The following UBE2QL1 variants were observed in gnomAD, a reference collection of about 807,000 sequenced individuals.
UBE2QL1 encodes the protein ubiquitin-conjugating enzyme E2Q-like protein 1.
Under a neutral mutation model 12.6 loss-of-function variants are expected in UBE2QL1, and 5 were observed. The observed-to-expected ratio is 0.40, with a 90% CI of 0.21 to 0.83. The LOEUF (loss-of-function observed/expected upper bound fraction) is 0.83, where lower values mean the gene tolerates loss of function less well. Among genes scored for constraint, UBE2QL1 ranks in the 40% least tolerant of loss-of-function variants. The pLI, the probability that UBE2QL1 is intolerant of heterozygous loss-of-function variation, is 0.37. For synonymous variants in UBE2QL1, 96 were observed against 94.5 expected, an observed-to-expected ratio of 1.02 and a Z score of -0.10; for missense variants, 99 against 222.6, an observed-to-expected ratio of 0.44 and a Z score of 3.53.
Position 6,495,574 on chromosome 5 carries a change from C to G in UBE2QL1, c.*4225C>G, listed in dbSNP as rs1437387241. 6.6e-6 allele frequency among the ~76,000 whole-genome samples: 1 copy of G among 152,166 alleles called. No individual in the cohort carries two copies. Among genetic ancestry groups the G allele is most frequent in the East Asian group, 1.9e-4 (1 of 5,192 alleles). On this transcript the variant is annotated 3_prime_UTR_variant, in exon 2 of 2. Coordinates refer to ENST00000399816, the MANE Select transcript of UBE2QL1 (RefSeq NM_001145161.3). The stretch of plus-strand genomic sequence containing the variant: ...GGCAATTCATGTGGCCCTCACCAAA[C>G]ACACACTCTTCACCCCATCATTGAA...
intron 1 of UBE2QL1, among the ~76,000 whole-genome samples, chr5:6,482,931 G>A (rs1476137346): frequency 6.6e-6 from 1 of 152,214 alleles, no homozygotes; most frequent in Non-Finnish European, 1.5e-5. Flanking sequence ...AGAGATGCCA[G>A]ATGTTTTCAT....
At chr5:6,461,452 T>C (rs1369786862) in intron 1 of UBE2QL1, among the ~76,000 whole-genome samples, 2 of 150,924 alleles carry the variant, frequency 1.3e-5, no homozygotes, top group East Asian at 3.9e-4. Flanking sequence ...CCAGTGATTT[T>C]CCCATAGTTT....
intron 1 of UBE2QL1, among the ~76,000 whole-genome samples, chr5:6,473,381 C>T (rs1734135727): frequency 6.6e-6 from 1 of 152,202 alleles, no homozygotes; most frequent in Non-Finnish European, 1.5e-5. Flanking sequence ...AGCACACAGC[C>T]TCCAAATTCA....
chr5:6,475,663 G>T (rs112661989), intron 1 of UBE2QL1, among the ~76,000 whole-genome samples: 1,681 of 151,556 alleles, frequency 0.011, 13 homozygotes, highest in South Asian at 0.026. Context: ...CAAGGGAAGG[G>T]GTAGGAAGGC....
At chr5:6,474,811 C>T (rs532267406) in intron 1 of UBE2QL1, among the ~76,000 whole-genome samples, 9 of 152,158 alleles carry the variant, frequency 5.9e-5, no homozygotes, top group Admixed American at 3.3e-4. Context: ...CATCCTCACA[C>T]GTGGTGAGAA....
chr5:6,463,975 T>C lies in UBE2QL1; in HGVS notation c.354+14728T>C, dbSNP rs1335393390. On this transcript the variant is annotated intron_variant, in intron 1 of 1. Transcript: ENST00000399816. ...TTTTGTTTCAGATTATTCTAAGAGA[T>C]TTTTTTTTTAATTTGAGACAGAGTT... Among the ~76,000 whole-genome samples, 2 of 147,062 alleles carry C rather than the reference T, an allele frequency of 1.4e-5. 1 individual carries two copies. Among genetic ancestry groups the C allele is most frequent in the African/African-American group, 5.1e-5 (2 of 38,916 alleles).
intron 1 of UBE2QL1, among the ~76,000 whole-genome samples, chr5:6,473,365 A>G (rs1734135587): frequency 6.6e-6 from 1 of 152,164 alleles, no homozygotes; most frequent in African/African-American, 2.4e-5. Context: ...TCTGCTCTCT[A>G]TCTGGAGCAC....
intron 1 of UBE2QL1, among the ~76,000 whole-genome samples, chr5:6,477,934 A>G (rs1306698380): frequency 1.3e-5 from 2 of 152,208 alleles, no homozygotes; most frequent in East Asian, 3.9e-4. Context: ...CCCAGAAACC[A>G]CCCTCCTAGA....
At chr5:6,451,951 C>T (rs879834922) in intron 1 of UBE2QL1, among the ~76,000 whole-genome samples, 4 of 152,160 alleles carry the variant, frequency 2.6e-5, no homozygotes, top group Non-Finnish European at 5.9e-5. Flanking sequence ...AGCTACCAAA[C>T]CGATAATTAC....
At chr5:6,474,948 G>A (rs191228773) in intron 1 of UBE2QL1, among the ~76,000 whole-genome samples, 1 of 152,352 alleles carries the variant, frequency 6.6e-6, no homozygotes, top group East Asian at 1.9e-4. Flanking sequence ...GTCTTGAGGA[G>A]AGGCTGGAGC....
chr5:6,483,385 G>A (rs1734402119), intron 1 of UBE2QL1, among the ~76,000 whole-genome samples: 1 of 152,026 alleles, frequency 6.6e-6, no homozygotes, highest in African/African-American at 2.4e-5. Flanking sequence ...GTTGCAGTGA[G>A]CCAAGATCGT....
intron 1 of UBE2QL1, among the ~76,000 whole-genome samples, chr5:6,460,471 G>T (rs778523888): frequency 6.6e-6 from 1 of 152,140 alleles, no homozygotes; most frequent in Non-Finnish European, 1.5e-5. Flanking sequence ...GGGTGTTTCC[G>T]TCCATGACTG....
chr5:6,449,220 G>C lies in UBE2QL1; in HGVS notation c.327G>C (p.Gln109His). 6.8e-7 allele frequency: 1 copy of C among 1,464,770 alleles called. No homozygotes were observed. The highest frequency in any genetic ancestry group is 9.1e-7 in the Non-Finnish European group (1 of 1,103,454). 90.7% of individuals were successfully genotyped at this position (1,464,770 alleles called of 1,614,324 possible). ...SAYTVEAVMR[Q>H]FAASLVKGQG... ...ACACCGTGGAGGCCGTCATGCGCCA[G>C]TTCGCAGCCAGCCTGGTCAAGGGCC... Residue 109 changes from glutamine (Q) to histidine (H), a missense_variant, in exon 1 of 2, where the codon CAG (glutamine) becomes CAC (histidine). Gln to His is a conservative substitution (Grantham distance 24). Transcript: ENST00000399816.
chr5:6,456,890 T>C (rs1739538158), intron 1 of UBE2QL1, among the ~76,000 whole-genome samples: 1 of 152,006 alleles, frequency 6.6e-6, no homozygotes, highest in South Asian at 2.1e-4. Flanking sequence ...GGGCTGGGCA[T>C]GGTCAGGGAG....
chr5:6,466,164 A>G (rs1300148705), intron 1 of UBE2QL1, among the ~76,000 whole-genome samples: 1 of 152,112 alleles, frequency 6.6e-6, no homozygotes, highest in Non-Finnish European at 1.5e-5. Context: ...CAGCGTCTTC[A>G]CGGTGGAACT....
intron 1 of UBE2QL1, among the ~76,000 whole-genome samples, chr5:6,456,403 G>A (rs1739523680): frequency 6.6e-6 from 1 of 152,112 alleles, no homozygotes; most frequent in South Asian, 2.1e-4. Flanking sequence ...ATTAACATGG[G>A]GCATTAGTCA....
intron 1 of UBE2QL1, among the ~76,000 whole-genome samples, chr5:6,468,980 C>G (rs1474263594): frequency 6.6e-6 from 1 of 152,188 alleles, no homozygotes; most frequent in Non-Finnish European, 1.5e-5. Flanking sequence ...GTAGAATGGC[C>G]TTCTTCATGA....
intron 1 of UBE2QL1, among the ~76,000 whole-genome samples, chr5:6,453,886 C>G (rs2126321579): frequency 6.6e-6 from 1 of 152,228 alleles, no homozygotes; most frequent in Non-Finnish European, 1.5e-5. Flanking sequence ...GGCTATAACA[C>G]AGAGATTTTT....
At chr5:6,472,435 C>T (rs1245953507) in intron 1 of UBE2QL1, among the ~76,000 whole-genome samples, 1 of 152,128 alleles carries the variant, frequency 6.6e-6, no homozygotes, top group African/African-American at 2.4e-5. Context: ...GACACACTTC[C>T]CCGCAAACAC....
Sources: gnomAD v4.1 joint callset for allele counts (sites outside exome capture counted in the v4.1 genomes callset) on GRCh38, gnomAD v4.1.1 for gene constraint, MANE v1.5 for transcripts, NCBI Gene and HGNC (gene_info 2026-07-23, HGNC 2026-07-21) for gene names.